The following PXDN variants were observed in gnomAD, a reference collection of about 807,000 sequenced individuals.
The protein encoded by PXDN is peroxidasin homolog.
In PXDN, 77 loss-of-function variants were observed where a neutral mutation model predicts 140.3. The ratio of observed to expected loss-of-function variants is 0.55; its 90% CI spans 0.46 to 0.66. The LOEUF (loss-of-function observed/expected upper bound fraction) is 0.66, where lower values mean the gene tolerates loss of function less well. Among genes scored for constraint, PXDN ranks in the 30% least tolerant of loss-of-function variants. The pLI, the probability that PXDN is intolerant of heterozygous loss-of-function variation, is 0.00. For synonymous variants in PXDN, 911 were observed against 857.4 expected, an observed-to-expected ratio of 1.06 and a Z score of -1.09; for missense variants, 1,838 against 2,039.5, an observed-to-expected ratio of 0.90 and a Z score of 1.90.
chr2:1,743,574 G>A (rs1685599000), intron 1 of PXDN, among the ~76,000 whole-genome samples: 1 of 150,132 alleles, frequency 6.7e-6, no homozygotes, highest in Non-Finnish European at 1.5e-5. Flanking sequence ...CCGGCGCGGG[G>A]GGATGGGGTG....
chr2:1,649,020 C>T lies in PXDN; in HGVS notation c.2760G>A (p.Glu920=), dbSNP rs1682935484. The change falls in exon 17 of 23, where the codon GAG becomes GAA. Residue 920 remains glutamate (E), a synonymous_variant. Transcript: ENST00000252804. The surrounding 1 kb of genome is among the most constrained non-coding windows in gnomAD (Gnocchi z 7.1). ...GGTCGCGGATGCTGCGGGCCTCATG[C>T]TCCGTGCTCCCGTACACGTTGGATG... The part of the protein sequence containing the change: ...IDASNVYGST[E]HEARSIRDLA... 2 of 1,612,524 alleles carry T rather than the reference C, an allele frequency of 1.2e-6. No individual in the cohort carries two copies. Among genetic ancestry groups the T allele is most frequent in the Non-Finnish European group, 1.7e-6 (2 of 1,179,778 alleles).
At position 1,635,397 on chromosome 2, in the gene PXDN, C is replaced by T; in HGVS notation, c.4320+11G>A. ...ACCTTAGGACATGAAGATAGAGCCCCCCATACTCACTTTGCATTCACAAAT... is the reference window on the plus strand; with the variant it reads ...ACCTTAGGACATGAAGATAGAGCCCTCCATACTCACTTTGCATTCACAAAT... On this transcript the variant is annotated intron_variant, in intron 22 of 22. Coordinates refer to ENST00000252804, the MANE Select transcript of PXDN (RefSeq NM_012293.3). The T allele has an allele frequency of 6.4e-7, 1 of 1,563,986 alleles. No individual in the cohort carries two copies. The highest frequency in any genetic ancestry group is 8.7e-7 in the Non-Finnish European group (1 of 1,151,758).
At chr2:1,662,843 A>G (rs1284724442) in intron 12 of PXDN, among the ~76,000 whole-genome samples, 1 of 152,154 alleles carries the variant, frequency 6.6e-6, no homozygotes, top group Admixed American at 6.5e-5. Flanking sequence ...GACAGCCCCA[A>G]AGTGACGCAA....
intron 9 of PXDN, 119 bp from the exon 10 acceptor site, chr2:1,666,605 C>CA (rs1261321699): frequency 2.4e-6 from 3 of 1,226,556 alleles, no homozygotes; most frequent in Non-Finnish European, 3.3e-6. Context: ...AAAACAAACA[C>CA]AACGTAACTG....
Position 1,649,445 on chromosome 2 carries a change from G to T in PXDN, c.2335C>A (p.Arg779=). 6.2e-7 allele frequency: 1 copy of T among 1,613,996 alleles called. No homozygotes were observed. Among genetic ancestry groups the T allele is most frequent in the Non-Finnish European group, 8.5e-7 (1 of 1,179,900 alleles). Residue 779 remains arginine, a synonymous_variant, in exon 17 of 23, where the codon CGG becomes AGG. Transcript: ENST00000252804. This position sits in a 1 kb window ranked among gnomAD's most constrained non-coding sequence, Gnocchi z 7.1. ...TACAGTCGGTGGGGGTTGATGCCCCGAGGGGTGTTGAAGCCATTCTCGTAC... is the reference window on the plus strand; with the variant it reads ...TACAGTCGGTGGGGGTTGATGCCCCTAGGGGTGTTGAAGCCATTCTCGTAC... The part of the protein sequence containing the change: ...SVYENGFNTP[R]GINPHRLYNG...
At chr2:1,674,062 T>C (rs1409837353) in intron 8 of PXDN, among the ~76,000 whole-genome samples, 1 of 152,240 alleles carries the variant, frequency 6.6e-6, no homozygotes, top group African/African-American at 2.4e-5. Context: ...TATCTACATG[T>C]TTTAAAGTGT....
chr2:1,682,414 T>C (rs1049704383), intron 6 of PXDN, among the ~76,000 whole-genome samples: 1 of 152,132 alleles, frequency 6.6e-6, no homozygotes, highest in Non-Finnish European at 1.5e-5. Flanking sequence ...ACTGAAGAGA[T>C]AAAACAAATC....
intron 1 of PXDN, among the ~76,000 whole-genome samples, chr2:1,721,814 AAAAT>A (rs3083574): frequency 6.6e-6 from 1 of 151,136 alleles, no homozygotes; most frequent in Admixed American, 6.6e-5. Flanking sequence ...ACTCCGTCTC[AAAAT>A]AAATAAATAA....
At chr2:1,713,186 C>T (rs984862518) in intron 1 of PXDN, among the ~76,000 whole-genome samples, 5 of 152,192 alleles carry the variant, frequency 3.3e-5, no homozygotes, top group Non-Finnish European at 7.3e-5. Flanking sequence ...CCACCTCTCT[C>T]GCGTCACAAG....
chr2:1,680,413 C>A, intron 6 of PXDN, 51 bp from the exon 7 acceptor site: 1 of 1,596,796 alleles, frequency 6.3e-7, no homozygotes, highest in Non-Finnish European at 8.6e-7. Context: ...TGGGCTTGTC[C>A]ATCCATCCAT....
In PXDN at chr2:1,673,764, A is replaced by G. The variant is rs755670893; in HGVS notation, c.897T>C (p.Asp299=). The G allele has an allele frequency of 6.2e-7, 1 of 1,614,020 alleles. No individual in the cohort carries two copies. The highest frequency in any genetic ancestry group is 8.5e-7 in the Non-Finnish European group (1 of 1,179,882). ...GTGTGTTCTGGATCATCAGGGTCCC[A>G]TCGTCCAGCAAGTTTAGGCGGGAAT... ...KTDSRLNLLD[D]GTLMIQNTQE... Residue 299 remains aspartate (D), a synonymous_variant, in exon 9 of 23, where the codon GAT becomes GAC. Coordinates refer to ENST00000252804, the MANE Select transcript of PXDN (RefSeq NM_012293.3).
Position 1,680,144 on chromosome 2 carries a change from T to C in PXDN, c.730+49A>G, listed in dbSNP as rs1270789468. The C allele has an allele frequency of 5.3e-6, 8 of 1,501,102 alleles. No homozygotes were observed. In the East Asian group the frequency reaches 2.0e-4, roughly 37 times the overall value. The allele number at this position is 1,501,102 out of a possible 1,614,324, so 93.0% of individuals were successfully genotyped here. ...ATGGTGTGTGTGTGGATGGTGTGTGTGTAGATGGTGTGAGTGTGTGGATGG... is the reference window on the plus strand; with the variant it reads ...ATGGTGTGTGTGTGGATGGTGTGTGCGTAGATGGTGTGAGTGTGTGGATGG... On this transcript the variant is annotated intron_variant, in intron 7 of 22. Coordinates refer to ENST00000252804, the MANE Select transcript of PXDN (RefSeq NM_012293.3).
At chr2:1,642,856 G>GC (rs1272534026) in intron 19 of PXDN, among the ~76,000 whole-genome samples, 1 of 152,048 alleles carries the variant, frequency 6.6e-6, no homozygotes, top group African/African-American at 2.4e-5. Context: ...CAGCTACAGG[G>GC]CCCCCCGCGC....
chr2:1,728,129 G>T (rs1435671974), intron 1 of PXDN, among the ~76,000 whole-genome samples: 1 of 152,154 alleles, frequency 6.6e-6, no homozygotes, highest in Non-Finnish European at 1.5e-5. Flanking sequence ...TGTAGAGACG[G>T]GTCTCGCCAT....
intron 1 of PXDN, among the ~76,000 whole-genome samples, chr2:1,706,637 T>C (rs1049498242): frequency 1.4e-5 from 1 of 73,644 alleles, no homozygotes; most frequent in Non-Finnish European, 2.4e-5. Flanking sequence ...AATAATACAA[T>C]CTGAGAGCAT....
At chr2:1,700,700 C>T (rs557978068) in intron 1 of PXDN, among the ~76,000 whole-genome samples, 3 of 151,930 alleles carry the variant, frequency 2.0e-5, no homozygotes, top group African/African-American at 7.2e-5. Flanking sequence ...ATGGTGAAAC[C>T]CTGTCTCTAC....
intron 1 of PXDN, among the ~76,000 whole-genome samples, chr2:1,695,935 A>G (rs1684291451): frequency 9.2e-6 from 1 of 108,500 alleles, no homozygotes; most frequent in Non-Finnish European, 1.9e-5. Context: ...CCCATCCACA[A>G]GCCCCTATGC....
chr2:1,737,272 C>T (rs1417420255), intron 1 of PXDN, among the ~76,000 whole-genome samples: 2 of 152,140 alleles, frequency 1.3e-5, no homozygotes, highest in African/African-American at 2.4e-5. Context: ...TGTCTCCCAT[C>T]CTCTTAGCTT....
chr2:1,708,217 A>AC (rs1684666804), intron 1 of PXDN, among the ~76,000 whole-genome samples: 1 of 152,150 alleles, frequency 6.6e-6, no homozygotes, highest in African/African-American at 2.4e-5. Context: ...CTCATCACGC[A>AC]CCCTCTGTCC....
Sources: gnomAD v4.1 joint callset for allele counts (sites outside exome capture counted in the v4.1 genomes callset) on GRCh38, gnomAD v4.1.1 for gene constraint, Gnocchi (gnomAD v3.1) non-coding constraint, MANE v1.5 for transcripts, NCBI Gene and HGNC (gene_info 2026-07-23, HGNC 2026-07-21) for gene names.